RNF4: variants seen among roughly 807,000 people sequenced by gnomAD.
RNF4 encodes ring finger protein 4, also known as E3 ubiquitin-protein ligase RNF4.
Under a neutral mutation model 24.3 loss-of-function variants are expected in RNF4, and 7 were observed. The observed-to-expected ratio is 0.29, with a 90% CI of 0.16 to 0.54. The LOEUF is 0.54. RNF4 is among the 20% of genes least tolerant of loss of function. RNF4 has a pLI of 0.95. For synonymous variants in RNF4, 83 were observed against 84.3 expected, an observed-to-expected ratio of 0.98 and a Z score of 0.09; for missense variants, 209 against 248.5, an observed-to-expected ratio of 0.84 and a Z score of 1.07.
intron 4 of RNF4, among the ~76,000 whole-genome samples, chr4:2,501,325 C>G (rs1735905388): frequency 6.6e-6 from 1 of 152,368 alleles, no homozygotes; most frequent in Non-Finnish European, 1.5e-5. Context: ...GGAAATCTCT[C>G]AAGTTCCAAA....
chr4:2,496,779 A>G (rs1029634576), intron 2 of RNF4, among the ~76,000 whole-genome samples: 1 of 152,138 alleles, frequency 6.6e-6, no homozygotes, highest in African/African-American at 2.4e-5. Context: ...TAGTTTGATA[A>G]AACAGAAGTT....
Position 2,513,788 on chromosome 4 carries a change from A to G in RNF4, c.542A>G (p.Asn181Ser), listed in dbSNP as rs1736334856. 2 of 1,613,848 alleles carry G rather than the reference A, an allele frequency of 1.2e-6. No homozygotes were observed. The highest frequency in any genetic ancestry group is 1.7e-6 in the Non-Finnish European group (2 of 1,179,900). Residue 181 changes from asparagine to serine, a missense_variant, in exon 8 of 8, where the codon AAC (asparagine) becomes AGC (serine). Coordinates refer to ENST00000314289, the MANE Select transcript of RNF4 (RefSeq NM_002938.5). ...NTCPTCRKKI[N>S]HKRYHPIYI Reference sequence around the variant, plus strand: ...TGCCCAACTTGTAGGAAAAAGATCAACCACAAACGGTACCACCCCATTTAT... The same window carrying G: ...TGCCCAACTTGTAGGAAAAAGATCAGCCACAAACGGTACCACCCCATTTAT...
chr4:2,487,259 G>A lies in RNF4; in HGVS notation c.-157-3078G>A, dbSNP rs1018914388. Among the ~76,000 whole-genome samples the A allele has an allele frequency of 7.2e-5, 11 of 151,988 alleles. 1 individual carries two copies. In the East Asian group the frequency reaches 1.5e-3, roughly 21 times the overall value. ...GTAGCTGGGACTACAAGTGTGCACC[G>A]TCACATCTGGCTATTTTTTTAATGT... On this transcript the variant is annotated intron_variant, in intron 1 of 7. Transcript: ENST00000314289.
At chr4:2,493,997 C>T (rs1360299538) in intron 2 of RNF4, among the ~76,000 whole-genome samples, 2 of 151,560 alleles carry the variant, frequency 1.3e-5, no homozygotes, top group Non-Finnish European at 2.9e-5. Context: ...TGCATGCCAC[C>T]ACGCCCAGCT....
rs551801538 is a variant in RNF4, at chr4:2,510,207, G to A, written c.205-1749G>A. Among the ~76,000 whole-genome samples the A allele has an allele frequency of 5.9e-5, 9 of 152,334 alleles. 1 individual carries two copies. The highest frequency in any genetic ancestry group is 2.0e-4 in the Admixed American group (3 of 15,308). Reference sequence around the variant, plus strand: ...CATGGCCGTTTGTGTATGTCAGGATGCCATTTGGGAAACAAAATCCACTCT... The same window carrying A: ...CATGGCCGTTTGTGTATGTCAGGATACCATTTGGGAAACAAAATCCACTCT... On this transcript the variant is annotated intron_variant, in intron 4 of 7. Coordinates refer to ENST00000314289, the MANE Select transcript of RNF4 (RefSeq NM_002938.5).
intron 2 of RNF4, among the ~76,000 whole-genome samples, chr4:2,493,002 T>C (rs1401130066): frequency 6.6e-6 from 1 of 152,224 alleles, no homozygotes; most frequent in African/African-American, 2.4e-5. Flanking sequence ...CCAAAAGCTA[T>C]GGACCTCTGA....
rs916271294 is a variant in RNF4, at chr4:2,497,185, G to A, written c.124+64G>A. On this transcript the variant is annotated intron_variant, in intron 3 of 7. Transcript: ENST00000314289. Reference sequence around the variant, plus strand: ...AGTGGAGAGAGAACACTGTACCAGGGTGAGCTAGTAGAAGGTGCTTTCAGT... The same window carrying A: ...AGTGGAGAGAGAACACTGTACCAGGATGAGCTAGTAGAAGGTGCTTTCAGT... 7.1e-6 allele frequency: 9 copies of A among 1,274,578 alleles called. No individual in the cohort carries two copies. In the East Asian group the frequency reaches 1.3e-4, roughly 18 times the overall value. The allele number at this position is 1,274,578 out of a possible 1,614,324, so 79.0% of individuals were successfully genotyped here. A position where few individuals can be genotyped will look rare whatever the true frequency, so the allele number is the denominator to read the frequency against.
At position 2,512,445 on chromosome 4, in the gene RNF4, A is replaced by G. The variant is rs893265868; in HGVS notation, c.222A>G (p.Arg74=). 10 of 1,610,034 alleles carry G rather than the reference A, an allele frequency of 6.2e-6. No individual in the cohort carries two copies. Among genetic ancestry groups the G allele is most frequent in the Non-Finnish European group, 8.5e-6 (10 of 1,178,240 alleles). The change falls in exon 6 of 8, where the codon AGA becomes AGG. Residue 74 remains arginine, a synonymous_variant. Transcript: ENST00000314289. The surrounding 1 kb of genome is among the most constrained non-coding windows in gnomAD (Gnocchi z 4.1). The part of the protein sequence containing the change: ...NDSVVIVDER[R]RPRRNARRLP... Reference sequence around the variant, plus strand: ...TGTGACCTCTTACCTTAGAAAGAAGAAGACCAAGGAGGAATGCTAGGAGGC... The same window carrying G: ...TGTGACCTCTTACCTTAGAAAGAAGGAGACCAAGGAGGAATGCTAGGAGGC...
intron 3 of RNF4, 136 bp from the exon 4 acceptor site, chr4:2,500,523 C>A: frequency 1.3e-6 from 1 of 798,728 alleles, no homozygotes; most frequent in Non-Finnish European, 2.0e-6. Flanking sequence ...GGTCCTGGTG[C>A]TCTTTGCAGT....
chr4:2,478,396 G>A (rs568676614), intron 1 of RNF4, among the ~76,000 whole-genome samples: 1 of 152,340 alleles, frequency 6.6e-6, no homozygotes, highest in South Asian at 2.1e-4. Flanking sequence ...ACAGTGGGGG[G>A]AAATGTCTCC....
intron 1 of RNF4, among the ~76,000 whole-genome samples, chr4:2,473,744 G>A (rs1734982411): frequency 6.6e-6 from 1 of 151,960 alleles, no homozygotes; most frequent in Admixed American, 6.6e-5. Flanking sequence ...TGGAGGGGCA[G>A]AGGTTGTGGT....
chr4:2,497,360 A>C, intron 3 of RNF4: 15 of 328,336 alleles, frequency 4.6e-5, no homozygotes, highest in East Asian at 3.1e-4. Context: ...TCTAGCGCAA[A>C]TGAGATAGCC....
chr4:2,487,448 G>A (rs1471082763), intron 1 of RNF4, among the ~76,000 whole-genome samples: 1 of 152,164 alleles, frequency 6.6e-6, no homozygotes, highest in Non-Finnish European at 1.5e-5. Flanking sequence ...ACCACACCCG[G>A]CTAATTTTTA....
intron 3 of RNF4, among the ~76,000 whole-genome samples, chr4:2,497,878 C>T (rs751846076): frequency 1.3e-5 from 2 of 152,200 alleles, no homozygotes; most frequent in Non-Finnish European, 2.9e-5. Context: ...TTGTGATCCA[C>T]CCGTCTCGGC....
At chr4:2,480,054 C>G (rs904338244) in intron 1 of RNF4, 2 of 152,084 alleles carry the variant, frequency 1.3e-5, no homozygotes, top group African/African-American at 4.8e-5. Context: ...TCTTAGCCTC[C>G]TGAGTAACTG....
At chr4:2,475,450 T>C (rs1735041512) in intron 1 of RNF4, among the ~76,000 whole-genome samples, 1 of 152,100 alleles carries the variant, frequency 6.6e-6, no homozygotes, top group Admixed American at 6.6e-5. Flanking sequence ...GCCATTCTCC[T>C]GCCTCAGCCT....
At position 2,500,746 on chromosome 4, in the gene RNF4, T is replaced by C. The variant is rs758523552; in HGVS notation, c.204+8T>C. The C allele has an allele frequency of 6.2e-7, 1 of 1,613,590 alleles. No homozygotes were observed. The highest frequency in any genetic ancestry group is 8.5e-7 in the Non-Finnish European group (1 of 1,179,670). On this transcript the variant is annotated splice_region_variant and intron_variant, in intron 4 of 7. Transcript: ENST00000314289. ...CACAATGACTCTGTTGTGGTAAGTG[T>C]TGGAGTGTGAGAGTCGGCTGTTTCT... is the stretch of plus-strand genomic sequence containing the variant.
intron 3 of RNF4, among the ~76,000 whole-genome samples, chr4:2,498,896 A>C (rs1475537693): frequency 6.6e-6 from 1 of 151,720 alleles, no homozygotes; most frequent in Non-Finnish European, 1.5e-5. Context: ...CTAAAAAATA[A>C]ATAAAAGAAG....
chr4:2,487,383 T>C lies in RNF4; in HGVS notation c.-157-2954T>C, dbSNP rs867485700. Among the ~76,000 whole-genome samples, 8 of 152,324 alleles carry C rather than the reference T, an allele frequency of 5.3e-5. No individual in the cohort carries two copies. In the South Asian group the frequency reaches 1.7e-3, roughly 32 times the overall value. On this transcript the variant is annotated intron_variant, in intron 1 of 7. Coordinates refer to ENST00000314289, the MANE Select transcript of RNF4 (RefSeq NM_002938.5). ...TCATTGCAACCTCCGCCTCCCGGGTTCAAGTGATTCTTGTGCCTTAGCCTC... is the reference window on the plus strand; with the variant it reads ...TCATTGCAACCTCCGCCTCCCGGGTCCAAGTGATTCTTGTGCCTTAGCCTC...
Sources: allele counts gnomAD v4.1 joint callset (sites outside exome capture counted in the v4.1 genomes callset), GRCh38; gene constraint gnomAD v4.1.1; non-coding constraint Gnocchi (gnomAD v3.1); transcripts MANE v1.5; gene names NCBI Gene and HGNC (gene_info 2026-07-23, HGNC 2026-07-21).